ARHGEF1: variants seen among roughly 807,000 people sequenced by gnomAD.
The protein encoded by ARHGEF1 is Rho guanine nucleotide exchange factor 1, also known as 115 kDa guanine nucleotide exchange factor.
Under a neutral mutation model 119.7 loss-of-function variants are expected in ARHGEF1, and 40 were observed. That is an observed-to-expected ratio of 0.33 (90% CI 0.26 to 0.44). ARHGEF1 has a LOEUF of 0.44. ARHGEF1 is among the 20% of genes least tolerant of loss of function. The probability of loss-of-function intolerance (pLI) is 1.00; values close to 1 mark genes in which losing one functional copy is unlikely to be tolerated. For missense variants in ARHGEF1, 976 were observed against 1,268.3 expected, an observed-to-expected ratio of 0.77 and a Z score of 3.50; for synonymous variants, 494 against 521.0, an observed-to-expected ratio of 0.95 and a Z score of 0.71.
rs782057784 is a variant in ARHGEF1, at chr19:41,906,425, T to TCCTGACTCCACCCCTCCTTGCCC, written c.2492-30_2492-8dup. 101 of 1,526,418 alleles carry TCCTGACTCCACCCCTCCTTGCCC rather than the reference T, an allele frequency of 6.6e-5. No homozygotes were observed. The highest frequency in any genetic ancestry group is 8.1e-5 in the Non-Finnish European group (93 of 1,141,698). 94.6% of individuals were successfully genotyped at this position (1,526,418 alleles called of 1,614,324 possible). A position where few individuals can be genotyped will look rare whatever the true frequency, so the allele number is the denominator to read the frequency against. Reference sequence around the variant, plus strand: ...CAGATCCCAGCCCAGCCCCCTGGTCTCCTGACTCCACCCCTCCTTGCCCCT... The same window carrying TCCTGACTCCACCCCTCCTTGCCC: ...CAGATCCCAGCCCAGCCCCCTGGTCTCCTGACTCCACCCCTCCTTGCCCCCTGACTCCACCCCTCCTTGCCCCT... On this transcript the variant is annotated intron_variant, in intron 26 of 28. Coordinates refer to ENST00000354532, the MANE Select transcript of ARHGEF1 (RefSeq NM_004706.4). This position sits in a 1 kb window ranked among gnomAD's most constrained non-coding sequence, Gnocchi z 4.5.
At chr19:41,900,364 T>A (rs542526936) in intron 14 of ARHGEF1, among the ~76,000 whole-genome samples, 1 of 152,200 alleles carries the variant, frequency 6.6e-6, no homozygotes, top group Admixed American at 6.5e-5. Context: ...TAAATACAAC[T>A]GAGCACTGAC....
exon 2 of ARHGEF1, chr19:41,928,838 G>C (rs2074888762): frequency 2.2e-6 from 1 of 448,314 alleles, no homozygotes; most frequent in Non-Finnish European, 4.5e-6. Context: ...AAGTGGACGC[G>C]CGGACAAACG....
intron 13 of ARHGEF1, chr19:41,897,386 C>T (rs1555848065): frequency 8.6e-7 from 1 of 1,168,896 alleles, no homozygotes; most frequent in Non-Finnish European, 1.1e-6. Flanking sequence ...CTCCCAGCCC[C>T]TCCCCTCTCC....
At chr19:41,929,058 G>C in intron 2 of ARHGEF1, 1 of 350,148 alleles carries the variant, frequency 2.9e-6, no homozygotes, top group South Asian at 2.1e-5. Flanking sequence ...CACACACACA[G>C]ACCTGCCATC....
rs560893318 is a variant in ARHGEF1 at position 41,916,025 on chromosome 19, C to T, written c.1866-7067C>T. 1.6e-3 allele frequency among the ~76,000 whole-genome samples: 245 copies of T among 151,880 alleles called. No individual in the cohort carries two copies. Among genetic ancestry groups the T allele is most frequent in the African/African-American group, 5.7e-3 (235 of 41,408 alleles). On this transcript the variant is annotated intron_variant, in intron 18 of 20. Transcript: ENST00000599589. This position sits in a 1 kb window ranked among gnomAD's most constrained non-coding sequence, Gnocchi z 5.4. The stretch of plus-strand genomic sequence containing the variant: ...TATTTTGCTTCCTCCACCCCCCCTT[C>T]GCCCCCCATCTCTACCGCCCGCAGC...
At chr19:41,908,288 G>A (rs959789383), downstream of ARHGEF1, 37 of 1,231,412 alleles carry the variant, frequency 3.0e-5, no homozygotes, top group Middle Eastern at 9.3e-4. This position sits in a 1 kb window ranked among gnomAD's most constrained non-coding sequence, Gnocchi z 6.7. Context: ...GACCCTCATC[G>A]CCCTCGCTGT....
intron 18 of ARHGEF1, among the ~76,000 whole-genome samples, chr19:41,915,245 T>TCC: frequency 6.7e-6 from 1 of 148,506 alleles, no homozygotes; most frequent in Non-Finnish European, 1.5e-5. Flanking sequence ...AGCCGTGGGA[T>TCC]CGGCGCTCCG....
intron 12 of ARHGEF1, among the ~76,000 whole-genome samples, 185 bp from the exon 13 acceptor site, chr19:41,896,192 C>T (rs1030981448): frequency 1.1e-4 from 16 of 152,152 alleles, no homozygotes; most frequent in African/African-American, 3.9e-4. Flanking sequence ...TCTTCATGCT[C>T]CTGCCCCTAG....
downstream of ARHGEF1, chr19:41,908,140 C>T (rs1262561574): frequency 1.8e-6 from 2 of 1,081,264 alleles, no homozygotes; most frequent in African/African-American, 3.3e-5. The surrounding 1 kb of genome is among the most constrained non-coding windows in gnomAD (Gnocchi z 6.7). Flanking sequence ...GTGCTGAGGG[C>T]TGGTCCTGGG....
chr19:41,903,048 G>T lies in ARHGEF1; in HGVS notation c.1738+150G>T, dbSNP rs1421033400. 8.1e-6 allele frequency: 6 copies of T among 738,796 alleles called. No homozygotes were observed. The highest frequency in any genetic ancestry group is 1.1e-5 in the Non-Finnish European group (5 of 463,024). 45.8% of individuals were successfully genotyped at this position (738,796 alleles called of 1,614,324 possible). A position where few individuals can be genotyped will look rare whatever the true frequency, so the allele number is the denominator to read the frequency against. On this transcript the variant is annotated intron_variant, in intron 18 of 28. Transcript: ENST00000354532. The surrounding 1 kb of genome is among the most constrained non-coding windows in gnomAD (Gnocchi z 4.2). ...TCCTCCCACCTCAGCTCCCCAAGTAGCTGGGACCCCAAGGGCACACCACCA... is the reference window on the plus strand; with the variant it reads ...TCCTCCCACCTCAGCTCCCCAAGTATCTGGGACCCCAAGGGCACACCACCA...
chr19:41,921,197 C>T (rs1004831034), upstream of ARHGEF1, among the ~76,000 whole-genome samples: 11 of 151,864 alleles, frequency 7.2e-5, no homozygotes, highest in South Asian at 4.2e-4. The surrounding 1 kb of genome is among the most constrained non-coding windows in gnomAD (Gnocchi z 4.4). Context: ...CAACCTCACT[C>T]GTGGACCCCG....
At chr19:41,885,798 G>T (rs1209144099) in intron 1 of ARHGEF1, among the ~76,000 whole-genome samples, 3 of 151,786 alleles carry the variant, frequency 2.0e-5, no homozygotes, top group Non-Finnish European at 4.4e-5. Context: ...TGTCGCCCAG[G>T]CTGGAGGGCA....
intron 18 of ARHGEF1, among the ~76,000 whole-genome samples, chr19:41,914,602 GT>G (rs2074778180): frequency 6.3e-5 from 3 of 47,724 alleles, no homozygotes; most frequent in African/African-American, 4.1e-4. Flanking sequence ...CACCATCTCT[GT>G]CTCTCCCTCC....
At chr19:41,890,794 T>C (rs567102194) in intron 4 of ARHGEF1, 4 of 148,696 alleles carry the variant, frequency 2.7e-5, no homozygotes, top group Middle Eastern at 3.6e-3. Flanking sequence ...GGCCTGGTGG[T>C]AGGCACCTGT....
intron 18 of ARHGEF1, among the ~76,000 whole-genome samples, chr19:41,915,247 G>A (rs1037608820): frequency 6.0e-5 from 9 of 148,972 alleles, no homozygotes; most frequent in Non-Finnish European, 8.9e-5. Context: ...CCGTGGGATC[G>A]GCGCTCCGGG....
chr19:41,904,832 A>C lies in ARHGEF1; in HGVS notation c.2162-117A>C. On this transcript the variant is annotated intron_variant, in intron 22 of 28. Coordinates refer to ENST00000354532, the MANE Select transcript of ARHGEF1 (RefSeq NM_004706.4). This position sits in a 1 kb window ranked among gnomAD's most constrained non-coding sequence, Gnocchi z 8.4. ...TTAGCAGACAGTGAGTGGTGAGTTG[A>C]GCCATGGGAGCCCTGAGAGCGCCAC... 2.5e-6 allele frequency: 2 copies of C among 811,022 alleles called. No individual in the cohort carries two copies. Among genetic ancestry groups the C allele is most frequent in the Non-Finnish European group, 4.2e-6 (2 of 479,190 alleles). The allele number at this position is 811,022 out of a possible 1,614,324, so 50.2% of individuals were successfully genotyped here.
At position 41,891,771 on chromosome 19, in the gene ARHGEF1, C is replaced by G. The variant is rs980159821; in HGVS notation, c.226-254C>G. On this transcript the variant is annotated intron_variant, in intron 4 of 28. Coordinates refer to ENST00000354532, the MANE Select transcript of ARHGEF1 (RefSeq NM_004706.4). Reference sequence around the variant, plus strand: ...GTTGTCATTATTGCCGGGAGGAGACCATGATGAAGAACCACAAAGGACCAT... The same window carrying G: ...GTTGTCATTATTGCCGGGAGGAGACGATGATGAAGAACCACAAAGGACCAT... Among the ~76,000 whole-genome samples the G allele has an allele frequency of 3.9e-5, 6 of 152,158 alleles. No individual in the cohort carries two copies. The South Asian group carries it at 1.2e-3, about 32-fold the overall frequency.
Position 41,906,985 on chromosome 19 carries a change from C to A in ARHGEF1, c.*18-120C>A. ...ATAATCTGTTTCTCTGTCTCTGTGC[C>A]CGCCTGCCTCTCCCCACCTCCCCTT... is the stretch of plus-strand genomic sequence containing the variant. On this transcript the variant is annotated intron_variant, in intron 28 of 28. Transcript: ENST00000354532. The surrounding 1 kb of genome is among the most constrained non-coding windows in gnomAD (Gnocchi z 4.5). The A allele has an allele frequency of 9.5e-7, 1 of 1,049,572 alleles. No homozygotes were observed. Among genetic ancestry groups the A allele is most frequent in the Non-Finnish European group, 1.3e-6 (1 of 749,356 alleles). 65.0% of individuals were successfully genotyped at this position (1,049,572 alleles called of 1,614,324 possible). A position where few individuals can be genotyped will look rare whatever the true frequency, so the allele number is the denominator to read the frequency against.
intron 11 of ARHGEF1, 47 bp downstream of exon 11, chr19:41,894,708 A>C: frequency 6.2e-7 from 1 of 1,605,868 alleles, no homozygotes; most frequent in Non-Finnish European, 8.5e-7. Context: ...CCTGTGTGGG[A>C]GAGGCTAGGA....
Sources: gnomAD v4.1 joint callset for allele counts (sites outside exome capture counted in the v4.1 genomes callset) on GRCh38, gnomAD v4.1.1 for gene constraint, Gnocchi (gnomAD v3.1) non-coding constraint, MANE v1.5 for transcripts, NCBI Gene and HGNC (gene_info 2026-07-23, HGNC 2026-07-21) for gene names.